DYNC1I1: variants seen among roughly 807,000 people sequenced by gnomAD.
The protein encoded by DYNC1I1 is dynein cytoplasmic 1 intermediate chain 1, also known as cytoplasmic dynein 1 intermediate chain 1.
DYNC1I1 carries 43 observed loss-of-function variants against 86.6 expected under a neutral mutation model. That is an observed-to-expected ratio of 0.50 (90% CI 0.39 to 0.64). DYNC1I1 has a LOEUF of 0.64. Ranked by LOEUF, DYNC1I1 falls within the 30% of genes least tolerant of loss-of-function variation. The pLI, the probability that DYNC1I1 is intolerant of heterozygous loss-of-function variation, is 0.00. For missense variants in DYNC1I1, 604 were observed against 788.8 expected, an observed-to-expected ratio of 0.77 and a Z score of 2.81; for synonymous variants, 262 against 283.7, an observed-to-expected ratio of 0.92 and a Z score of 0.77.
At chr7:96,066,529 A>T (rs1281270255) in intron 14 of DYNC1I1, among the ~76,000 whole-genome samples, 1 of 152,082 alleles carries the variant, frequency 6.6e-6, no homozygotes, top group African/African-American at 2.4e-5. Context: ...TTTGAGGGGG[A>T]ATTTATATTC....
chr7:96,050,980 T>G (rs1789388813), intron 14 of DYNC1I1, among the ~76,000 whole-genome samples: 1 of 152,232 alleles, frequency 6.6e-6, no homozygotes, highest in Non-Finnish European at 1.5e-5. Flanking sequence ...TTAAATTTCC[T>G]GTCCATCAAA....
intron 1 of DYNC1I1, among the ~76,000 whole-genome samples, chr7:95,781,006 A>AAC (rs1793978502): frequency 7.3e-6 from 1 of 137,160 alleles, no homozygotes; most frequent in African/African-American, 3.0e-5. Context: ...TAACAACAAC[A>AAC]AAAAAAAAAA....
At chr7:95,993,037 T>C (rs1793769848) in intron 9 of DYNC1I1, among the ~76,000 whole-genome samples, 2 of 152,210 alleles carry the variant, frequency 1.3e-5, no homozygotes, top group Non-Finnish European at 2.9e-5. Context: ...AACCAAATGA[T>C]CATGAATTTC....
At chr7:96,051,368 G>A (rs1475980128) in intron 14 of DYNC1I1, among the ~76,000 whole-genome samples, 3 of 152,048 alleles carry the variant, frequency 2.0e-5, no homozygotes, top group Non-Finnish European at 4.4e-5. Context: ...CTCAACTTTT[G>A]GGTCTTAAAA....
chr7:95,970,661 G>A (rs771552662), intron 6 of DYNC1I1, among the ~76,000 whole-genome samples: 7 of 152,166 alleles, frequency 4.6e-5, no homozygotes, highest in Non-Finnish European at 7.3e-5. Context: ...AAGGCCCTAC[G>A]TGATGTAGTA....
At chr7:96,035,493 AG>A in intron 12 of DYNC1I1, 125 bp from the exon 13 acceptor site, 1 of 1,286,084 alleles carries the variant, frequency 7.8e-7, no homozygotes, top group Non-Finnish European at 1.0e-6. Context: ...TTTCTGGCAC[AG>A]CCGGGGTCTT....
At chr7:96,030,748 G>T (rs1003544168) in intron 11 of DYNC1I1, among the ~76,000 whole-genome samples, 1 of 152,036 alleles carries the variant, frequency 6.6e-6, no homozygotes, top group Non-Finnish European at 1.5e-5. Flanking sequence ...GTGAAAATTT[G>T]TTACATCCAA....
chr7:95,813,378 T>TAAAA (rs35397709), intron 4 of DYNC1I1, 41 bp downstream of exon 4: 639 of 1,407,592 alleles, frequency 4.5e-4, no homozygotes, highest in East Asian at 1.9e-3. Flanking sequence ...GGGTGTCAAT[T>TAAAA]AAAAAAAAAA....
chr7:95,921,408 G>T (rs1264223990), intron 6 of DYNC1I1, among the ~76,000 whole-genome samples: 1 of 152,100 alleles, frequency 6.6e-6, no homozygotes, highest in African/African-American at 2.4e-5. Flanking sequence ...CTTGTGTGAG[G>T]CCCAAGCCCC....
At chr7:95,796,198 A>C (rs933912818) in intron 1 of DYNC1I1, among the ~76,000 whole-genome samples, 29 of 152,216 alleles carry the variant, frequency 1.9e-4, no homozygotes, top group African/African-American at 6.5e-4. Flanking sequence ...GGGGAGAAGG[A>C]GAATGGGGAA....
Position 95,957,223 on chromosome 7 carries a change from C to T in DYNC1I1, c.491-20289C>T, listed in dbSNP as rs1424004170. Among the ~76,000 whole-genome samples, 3 of 152,184 alleles carry T rather than the reference C, an allele frequency of 2.0e-5. No homozygotes were observed. The East Asian group carries it at 5.8e-4, about 29-fold the overall frequency. On this transcript the variant is annotated intron_variant, in intron 6 of 16. Coordinates refer to ENST00000447467, the MANE Select transcript of DYNC1I1 (RefSeq NM_001135556.2). ...AGAAATTCCCCAGCACTCATTGGAACTTTCTGTAAGACATCTCTCTGTCAG... is the reference window on the plus strand; with the variant it reads ...AGAAATTCCCCAGCACTCATTGGAATTTTCTGTAAGACATCTCTCTGTCAG...
chr7:95,830,877 T>C lies in DYNC1I1; in HGVS notation c.374+2761T>C, dbSNP rs927494958. Among the ~76,000 whole-genome samples, 11 of 152,284 alleles carry C rather than the reference T, an allele frequency of 7.2e-5. No individual in the cohort carries two copies. In the East Asian group the frequency reaches 1.7e-3, roughly 24 times the overall value. On this transcript the variant is annotated intron_variant, in intron 5 of 16. Transcript: ENST00000447467. ...ATTCTTGACAACGCTTAGTTTGAGC[T>C]TCTTAAAAGAAATTATTAATTTGTT...
chr7:95,955,565 A>G (rs1044257297), intron 6 of DYNC1I1, among the ~76,000 whole-genome samples: 2 of 152,132 alleles, frequency 1.3e-5, no homozygotes, highest in African/African-American at 2.4e-5. Context: ...GCCTCGAGCA[A>G]TCCTCCTGAC....
chr7:95,809,365 A>G (rs1350833402), intron 2 of DYNC1I1, among the ~76,000 whole-genome samples: 1 of 152,182 alleles, frequency 6.6e-6, no homozygotes, highest in Non-Finnish European at 1.5e-5. Context: ...ACTTGTTAGC[A>G]TACCCAGCTT....
chr7:95,810,342 G>A (rs1794799298), intron 2 of DYNC1I1, 50 bp from the exon 3 acceptor site: 1 of 1,484,836 alleles, frequency 6.7e-7, no homozygotes, highest in African/African-American at 1.4e-5. Context: ...GCCAGGAAAA[G>A]CATACATTTA....
intron 4 of DYNC1I1, 52 bp downstream of exon 4, chr7:95,813,389 A>AC (rs764777243): frequency 3.8e-6 from 6 of 1,567,534 alleles, no homozygotes; most frequent in Non-Finnish European, 5.2e-6. Flanking sequence ...AAAAAAAAAA[A>AC]AAAACAGCAA....
intron 6 of DYNC1I1, among the ~76,000 whole-genome samples, chr7:95,882,198 T>G (rs540073638): frequency 6.6e-6 from 1 of 152,288 alleles, no homozygotes; most frequent in South Asian, 2.1e-4. Context: ...GAAGATAAAA[T>G]GACAAAATGG....
intron 6 of DYNC1I1, among the ~76,000 whole-genome samples, chr7:95,940,629 A>C (rs896228290): frequency 2.0e-5 from 3 of 152,078 alleles, no homozygotes; most frequent in African/African-American, 7.2e-5. Flanking sequence ...TAGTTCTCGA[A>C]CCTTGACTTT....
intron 5 of DYNC1I1, among the ~76,000 whole-genome samples, chr7:95,863,555 A>G (rs912156428): frequency 6.6e-6 from 1 of 152,214 alleles, no homozygotes; most frequent in Non-Finnish European, 1.5e-5. Flanking sequence ...TCTCTGGTCA[A>G]CCACCTCTGC....
Sources: gnomAD v4.1 joint callset for allele counts (sites outside exome capture counted in the v4.1 genomes callset) on GRCh38, gnomAD v4.1.1 for gene constraint, MANE v1.5 for transcripts, NCBI Gene and HGNC (gene_info 2026-07-23, HGNC 2026-07-21) for gene names.